ADAMTSL1: variants seen among roughly 807,000 people sequenced by gnomAD.
ADAMTSL1 encodes ADAMTS like 1.
In ADAMTSL1, 126 loss-of-function variants were observed where a neutral mutation model predicts 201.8. That is an observed-to-expected ratio of 0.62 (90% CI 0.54 to 0.72). The LOEUF is 0.72. Ranked by LOEUF, ADAMTSL1 falls within the 30% of genes least tolerant of loss-of-function variation. ADAMTSL1 has a pLI of 0.00. For synonymous variants in ADAMTSL1, 1,121 were observed against 903.4 expected (o/e 1.24, Z -4.32); for missense variants, 2,679 against 2,277.8 (o/e 1.18, Z -3.59).
intron 2 of ADAMTSL1, among the ~76,000 whole-genome samples, chr9:18,436,755 A>G (rs1785122640): frequency 6.6e-6 from 1 of 151,958 alleles, no homozygotes; most frequent in African/African-American, 2.4e-5. Flanking sequence ...CCAGAACCAC[A>G]TCATTTTTTC....
chr9:18,389,324 T>A (rs1378570847), intron 2 of ADAMTSL1, among the ~76,000 whole-genome samples: 1 of 152,192 alleles, frequency 6.6e-6, no homozygotes, highest in Non-Finnish European at 1.5e-5. Flanking sequence ...TTCTAGAAGA[T>A]GTAAACTGGT....
chr9:18,888,091 C>T (rs10963818), intron 24 of ADAMTSL1, 48 bp downstream of exon 24: 162,110 of 1,565,394 alleles, frequency 0.1, 9,118 homozygotes, highest in Middle Eastern at 0.17. Context: ...CAAGAAAGCC[C>T]ACTTGGGAAT....
At chr9:18,137,148 G>T (rs1587134716) in intron 1 of ADAMTSL1, among the ~76,000 whole-genome samples, 1 of 152,316 alleles carries the variant, frequency 6.6e-6, no homozygotes, top group Middle Eastern at 3.4e-3. Flanking sequence ...TCCATGCAAT[G>T]ATAGTAGCCC....
At chr9:17,907,940 G>C (rs1375765408) in intron 1 of ADAMTSL1, among the ~76,000 whole-genome samples, 1 of 152,178 alleles carries the variant, frequency 6.6e-6, no homozygotes, top group Non-Finnish European at 1.5e-5. Context: ...CCGCCAGATA[G>C]CCTCCCTTTC....
chr9:18,644,779 G>A (rs1483277733), intron 7 of ADAMTSL1, among the ~76,000 whole-genome samples: 3 of 151,968 alleles, frequency 2.0e-5, no homozygotes, highest in Non-Finnish European at 4.4e-5. Flanking sequence ...TCTTAATCCA[G>A]TCTATCATTG....
intron 23 of ADAMTSL1, among the ~76,000 whole-genome samples, chr9:18,845,408 T>G (rs73644678): frequency 0.038 from 5,728 of 152,348 alleles, 386 homozygotes; most frequent in African/African-American, 0.13. Context: ...TTGTGCCTGG[T>G]GCTTCTCCCT....
At chr9:18,532,306 G>T (rs918500398) in intron 2 of ADAMTSL1, among the ~76,000 whole-genome samples, 1 of 152,112 alleles carries the variant, frequency 6.6e-6, no homozygotes, top group Admixed American at 6.6e-5. Flanking sequence ...CAATATTTAT[G>T]AAGAGCCTTA....
intron 23 of ADAMTSL1, among the ~76,000 whole-genome samples, chr9:18,871,398 T>G (rs1158220890): frequency 6.6e-6 from 1 of 152,194 alleles, no homozygotes; most frequent in Non-Finnish European, 1.5e-5. Flanking sequence ...TCAGGCTCCT[T>G]TGATATCTCT....
intron 2 of ADAMTSL1, among the ~76,000 whole-genome samples, chr9:18,362,996 C>T (rs1836595470): frequency 6.6e-6 from 1 of 152,152 alleles, no homozygotes; most frequent in Admixed American, 6.5e-5. Flanking sequence ...GGATATTAAA[C>T]AGATTGTCTT....
chr9:18,519,671 T>C (rs373155671), intron 2 of ADAMTSL1, among the ~76,000 whole-genome samples: 2 of 152,224 alleles, frequency 1.3e-5, no homozygotes, highest in African/African-American at 4.8e-5. Flanking sequence ...AGTACTAGTA[T>C]AGACTGGATA....
chr9:18,263,280 TGGA>T (rs1831991972), intron 2 of ADAMTSL1, among the ~76,000 whole-genome samples: 1 of 152,204 alleles, frequency 6.6e-6, no homozygotes, highest in Non-Finnish European at 1.5e-5. Flanking sequence ...TACTCTTCAG[TGGA>T]GGAGATCTAA....
chr9:18,642,205 T>C (rs920710852), intron 7 of ADAMTSL1, among the ~76,000 whole-genome samples: 3 of 152,020 alleles, frequency 2.0e-5, no homozygotes, highest in African/African-American at 4.8e-5. Flanking sequence ...TCTGAAGATT[T>C]TTTTTTCTTC....
intron 2 of ADAMTSL1, among the ~76,000 whole-genome samples, chr9:18,438,152 G>A (rs918952078): frequency 1.3e-5 from 2 of 151,716 alleles, no homozygotes; most frequent in African/African-American, 4.8e-5. Context: ...CTTCATTGGC[G>A]TTATGTGACC....
chr9:18,289,999 C>A, intron 2 of ADAMTSL1, among the ~76,000 whole-genome samples: 1 of 152,134 alleles, frequency 6.6e-6, no homozygotes, highest in Non-Finnish European at 1.5e-5. Flanking sequence ...AAAAAGTTAG[C>A]AAATCCTTCA....
At chr9:18,272,920 A>T (rs1293839698) in intron 2 of ADAMTSL1, among the ~76,000 whole-genome samples, 4 of 152,348 alleles carry the variant, frequency 2.6e-5, no homozygotes, top group Admixed American at 2.0e-4. Flanking sequence ...GAGAGAACTC[A>T]TATTAGTATA....
chr9:18,625,680 A>G (rs538111665), intron 5 of ADAMTSL1, among the ~76,000 whole-genome samples: 1 of 152,198 alleles, frequency 6.6e-6, no homozygotes, highest in African/African-American at 2.4e-5. Flanking sequence ...GACTTATACT[A>G]TGTTCTATAT....
intron 2 of ADAMTSL1, 72 bp downstream of exon 2, chr9:18,505,028 G>A: frequency 6.6e-7 from 1 of 1,521,450 alleles, no homozygotes; most frequent in Non-Finnish European, 8.8e-7. Context: ...TTTTGTGATT[G>A]GGTTTATGGA....
chr9:18,202,549 C>G (rs913759775), intron 2 of ADAMTSL1, among the ~76,000 whole-genome samples: 8 of 152,170 alleles, frequency 5.3e-5, no homozygotes, highest in Non-Finnish European at 8.8e-5. Flanking sequence ...TATTCTGTCT[C>G]CCACACTTCT....
At chr9:17,989,081 T>C (rs1373353532) in intron 1 of ADAMTSL1, among the ~76,000 whole-genome samples, 1 of 151,962 alleles carries the variant, frequency 6.6e-6, no homozygotes, top group South Asian at 2.1e-4. Context: ...TAAAATAAGC[T>C]TATATAGAGG....
Sources: allele counts gnomAD v4.1 joint callset (sites outside exome capture counted in the v4.1 genomes callset), GRCh38; gene constraint gnomAD v4.1.1; transcripts MANE v1.5; gene names NCBI Gene and HGNC (gene_info 2026-07-23, HGNC 2026-07-21).